The following NOS1 variants were observed in gnomAD, a reference collection of about 807,000 sequenced individuals.
The protein encoded by NOS1 is NOS type I.
A neutral mutation model predicts 164.5 loss-of-function variants in NOS1; 51 were observed. The ratio of observed to expected loss-of-function variants is 0.31; its 90% CI spans 0.25 to 0.39. NOS1 has a LOEUF of 0.39. Ranked by LOEUF, NOS1 falls within the 10% of genes least tolerant of loss-of-function variation. The pLI is 1.00. For missense variants in NOS1, 1,362 were observed against 1,885.6 expected (o/e 0.72, Z 5.14); for synonymous variants, 719 against 745.8 (o/e 0.96, Z 0.59).
intron 16 of NOS1, among the ~76,000 whole-genome samples, chr12:117,256,887 C>T (rs1438811978): frequency 2.0e-5 from 3 of 151,798 alleles, no homozygotes; most frequent in Non-Finnish European, 2.9e-5. Flanking sequence ...GCCTGGCAAA[C>T]ATGGTGAAAG....
In NOS1 at chr12:117,350,537, G is replaced by C. The variant is rs3782220; in HGVS notation, c.-421+10975C>G. Reference sequence around the variant, plus strand: ...AGTACCTTGTGTGTTTGAAATGAAAGCAAATGCCTGATTTATTTTAAGGAT... The same window carrying C: ...AGTACCTTGTGTGTTTGAAATGAAACCAAATGCCTGATTTATTTTAAGGAT... On this transcript the variant is annotated intron_variant, in intron 1 of 28. Transcript: ENST00000317775. Among the ~76,000 whole-genome samples, 1,142 of 152,264 alleles carry C rather than the reference G, an allele frequency of 7.5e-3. 20 individuals are homozygous for C. The highest frequency in any genetic ancestry group is 0.031 in the South Asian group (151 of 4,818).
chr12:117,236,237 G>T (rs1306292543), intron 20 of NOS1, among the ~76,000 whole-genome samples: 1 of 152,050 alleles, frequency 6.6e-6, no homozygotes, highest in South Asian at 2.1e-4. Context: ...GGCTAGAGAC[G>T]CTTGATATTC....
At chr12:117,301,108 G>C (rs2136042418) in intron 3 of NOS1, among the ~76,000 whole-genome samples, 1 of 152,282 alleles carries the variant, frequency 6.6e-6, no homozygotes, top group East Asian at 1.9e-4. Context: ...GCTGTGAACT[G>C]CTCCAGGGCA....
intron 2 of NOS1, among the ~76,000 whole-genome samples, chr12:117,329,652 G>C (rs1255814339): frequency 6.6e-6 from 1 of 152,152 alleles, no homozygotes; most frequent in Non-Finnish European, 1.5e-5. Context: ...TCTGTTGCCA[G>C]CTTTCCACCT....
At chr12:117,290,185 T>C in intron 4 of NOS1, 113 bp downstream of exon 4, 1 of 1,319,432 alleles carries the variant, frequency 7.6e-7, no homozygotes, top group Admixed American at 2.1e-5. Flanking sequence ...TCAGGGGTGG[T>C]GCTCAACACC....
chr12:117,315,285 C>T (rs1271704661), intron 2 of NOS1, among the ~76,000 whole-genome samples: 10 of 152,182 alleles, frequency 6.6e-5, no homozygotes, highest in East Asian at 3.9e-4. Context: ...CTCACTGTAA[C>T]GTCCACCTCC....
chr12:117,250,599 G>A (rs188877413), intron 17 of NOS1, among the ~76,000 whole-genome samples: 1 of 152,282 alleles, frequency 6.6e-6, no homozygotes, highest in East Asian at 1.9e-4. Context: ...ACAGTGCTGG[G>A]ATTACAGGCG....
At chr12:117,258,563 G>T in intron 15 of NOS1, 108 bp from the exon 16 acceptor site, 1 of 1,129,544 alleles carries the variant, frequency 8.9e-7, no homozygotes, top group Non-Finnish European at 1.3e-6. Context: ...ACTGATGCCC[G>T]GAGGCCAGGA....
Position 117,211,021 on chromosome 12 carries a change from A to G in NOS1, c.*4288T>C, listed in dbSNP as rs1330328652. The G allele has an allele frequency of 2.4e-5, 20 of 836,312 alleles. No individual in the cohort carries two copies. Among genetic ancestry groups the G allele is most frequent in the Non-Finnish European group, 2.7e-5 (19 of 694,430 alleles). The allele number at this position is 836,312 out of a possible 1,614,324, so 51.8% of individuals were successfully genotyped here. A position where few individuals can be genotyped will look rare whatever the true frequency, so the allele number is the denominator to read the frequency against. On this transcript the variant is annotated 3_prime_UTR_variant, in exon 29 of 29. Coordinates refer to ENST00000317775, the MANE Select transcript of NOS1 (RefSeq NM_000620.5). ...ACCCAGGCTGGAGTGCAGTGGTACA[A>G]TCTTGGCTCACTGCAGCCTCCACCT...
intron 9 of NOS1, among the ~76,000 whole-genome samples, chr12:117,275,074 C>T (rs1873073207): frequency 6.6e-6 from 1 of 151,904 alleles, no homozygotes; most frequent in African/African-American, 2.4e-5. Context: ...GGGATAAATA[C>T]CCCATTCTCC....
intron 3 of NOS1, among the ~76,000 whole-genome samples, chr12:117,299,841 C>T (rs76421149): frequency 0.032 from 4,822 of 152,080 alleles, 132 homozygotes; most frequent in Non-Finnish European, 0.052. Flanking sequence ...TTTAAGCTTT[C>T]TCCAAATTGC....
intron 17 of NOS1, among the ~76,000 whole-genome samples, chr12:117,249,851 C>T (rs1414672182): frequency 2.0e-5 from 3 of 152,172 alleles, no homozygotes; most frequent in Admixed American, 1.3e-4. Context: ...TGCTACATTT[C>T]CAGAACTTGG....
intron 9 of NOS1, among the ~76,000 whole-genome samples, chr12:117,275,135 C>T (rs909301236): frequency 4.6e-5 from 7 of 151,716 alleles, no homozygotes; most frequent in East Asian, 1.9e-4. Flanking sequence ...TCTTATGTAC[C>T]GCATAAATAT....
intron 3 of NOS1, among the ~76,000 whole-genome samples, chr12:117,290,907 A>T (rs1362583017): frequency 1.3e-5 from 2 of 152,126 alleles, no homozygotes; most frequent in Non-Finnish European, 2.9e-5. Flanking sequence ...GAGAAAACAG[A>T]AAGATTTAAA....
chr12:117,300,513 A>G (rs1459000690), intron 3 of NOS1, among the ~76,000 whole-genome samples: 1 of 152,124 alleles, frequency 6.6e-6, no homozygotes, highest in Non-Finnish European at 1.5e-5. Context: ...AGTGACCTAT[A>G]AAGACCTGGG....
chr12:117,213,063 C>T lies in NOS1; in HGVS notation c.*2246G>A. ...ATGAGACAATGTTTCCATCTGTCTG[C>T]TACTAGAAAGGCAGGCACATGCAGA... On this transcript the variant is annotated 3_prime_UTR_variant, in exon 29 of 29. Transcript: ENST00000317775. The T allele has an allele frequency of 1.0e-6, 1 of 985,454 alleles. No individual in the cohort carries two copies. Among genetic ancestry groups the T allele is most frequent in the South Asian group, 4.7e-5 (1 of 21,292 alleles). The allele number at this position is 985,454 out of a possible 1,614,324, so 61.0% of individuals were successfully genotyped here. A position where few individuals can be genotyped will look rare whatever the true frequency, so the allele number is the denominator to read the frequency against.
At chr12:117,228,647 C>T (rs1868912624) in intron 22 of NOS1, among the ~76,000 whole-genome samples, 1 of 152,160 alleles carries the variant, frequency 6.6e-6, no homozygotes, top group African/African-American at 2.4e-5. Flanking sequence ...AGAAGACGCC[C>T]TAGGCAGTCT....
intron 17 of NOS1, among the ~76,000 whole-genome samples, chr12:117,251,165 C>T (rs864641): frequency 7.9e-5 from 12 of 152,106 alleles, no homozygotes; most frequent in African/African-American, 1.2e-4. Flanking sequence ...TGGAAGGCAC[C>T]GTCTATGAGC....
At chr12:117,252,954 T>C (rs1207490454) in intron 17 of NOS1, among the ~76,000 whole-genome samples, 1 of 152,214 alleles carries the variant, frequency 6.6e-6, no homozygotes, top group African/African-American at 2.4e-5. Flanking sequence ...GACATCCCTG[T>C]TTTCTTTCCT....
Sources: allele counts gnomAD v4.1 joint callset (sites outside exome capture counted in the v4.1 genomes callset), GRCh38; gene constraint gnomAD v4.1.1; transcripts MANE v1.5; gene names NCBI Gene and HGNC (gene_info 2026-07-23, HGNC 2026-07-21).